Variants in ITGAE observed in about 807,000 individuals in gnomAD.
ITGAE encodes the protein integrin alpha-E.
Under a neutral mutation model 136.5 loss-of-function variants are expected in ITGAE, and 99 were observed. The ratio of observed to expected loss-of-function variants is 0.73; its 90% CI spans 0.62 to 0.86. The LOEUF (loss-of-function observed/expected upper bound fraction) is 0.86, where lower values mean the gene tolerates loss of function less well. Among genes scored for constraint, ITGAE ranks in the 40% least tolerant of loss-of-function variants. ITGAE has a pLI of 0.00. For missense variants in ITGAE, 1,447 were observed against 1,515.3 expected, an observed-to-expected ratio of 0.95 and a Z score of 0.75; for synonymous variants, 613 against 591.8, an observed-to-expected ratio of 1.04 and a Z score of -0.52.
Position 3,734,645 on chromosome 17 carries a change from G to A in ITGAE, c.2655+172C>T, listed in dbSNP as rs1489055462. On this transcript the variant is annotated intron_variant, in intron 21 of 30. Coordinates refer to ENST00000263087, the MANE Select transcript of ITGAE (RefSeq NM_002208.5). Reference sequence around the variant, plus strand: ...GCACTGCAGCAGAATATGGTGCCTCGGGAGGCATGGAGCCGGACTGGCGGG... The same window carrying A: ...GCACTGCAGCAGAATATGGTGCCTCAGGAGGCATGGAGCCGGACTGGCGGG... Among the ~76,000 whole-genome samples, 3 of 152,174 alleles carry A rather than the reference G, an allele frequency of 2.0e-5. No individual in the cohort carries two copies. The East Asian group carries it at 5.8e-4, about 29-fold the overall frequency.
intron 17 of ITGAE, among the ~76,000 whole-genome samples, chr17:3,747,051 G>T (rs1322185216): frequency 2.0e-5 from 3 of 152,198 alleles, no homozygotes; most frequent in South Asian, 4.1e-4. Flanking sequence ...AATCGTTCCA[G>T]GGGGGAGCTC....
intron 24 of ITGAE, among the ~76,000 whole-genome samples, chr17:3,728,920 CAACT>C (rs1567515917): frequency 6.6e-6 from 1 of 151,748 alleles, no homozygotes; most frequent in African/African-American, 2.4e-5. Context: ...CCTGTAGTCT[CAACT>C]ACTCGGGAGG....
intron 1 of ITGAE, among the ~76,000 whole-genome samples, chr17:3,787,929 T>C (rs982647936): frequency 3.3e-5 from 5 of 152,160 alleles, no homozygotes; most frequent in Non-Finnish European, 4.4e-5. Context: ...CCTCAGGTGA[T>C]CCACCCGTCT....
intron 1 of ITGAE, among the ~76,000 whole-genome samples, chr17:3,793,798 G>A: frequency 6.6e-6 from 1 of 151,448 alleles, no homozygotes; most frequent in East Asian, 2.0e-4. Flanking sequence ...CCACCACCTT[G>A]GCCTCCCAAA....
intron 26 of ITGAE, chr17:3,724,645 C>T: frequency 6.2e-7 from 1 of 1,614,212 alleles, no homozygotes; most frequent in Non-Finnish European, 8.5e-7. Flanking sequence ...GTCCACCAAA[C>T]CCGCGCCAGC....
intron 18 of ITGAE, among the ~76,000 whole-genome samples, chr17:3,744,820 A>G (rs1385171671): frequency 6.6e-6 from 1 of 152,194 alleles, no homozygotes; most frequent in Non-Finnish European, 1.5e-5. Context: ...GAGATTGCTT[A>G]GCATACCATT....
rs375632123 is a variant in ITGAE, at chr17:3,757,308, T to C, written c.1021-174A>G. On this transcript the variant is annotated intron_variant, in intron 9 of 30. Coordinates refer to ENST00000263087, the MANE Select transcript of ITGAE (RefSeq NM_002208.5). The stretch of plus-strand genomic sequence containing the variant: ...CCATACTCTGGGCAAAATTCCAGTT[T>C]TACCAAAGTACACCTGTTCTCCTGA... Among the ~76,000 whole-genome samples the C allele has an allele frequency of 2.2e-4, 33 of 152,226 alleles. No homozygotes were observed. In the South Asian group the frequency reaches 6.8e-3, roughly 32 times the overall value.
intron 1 of ITGAE, among the ~76,000 whole-genome samples, chr17:3,787,323 G>C (rs1250436643): frequency 1.3e-5 from 2 of 152,060 alleles, no homozygotes; most frequent in Non-Finnish European, 2.9e-5. Context: ...TGTTGGCCAG[G>C]CTGGTCTTGA....
At chr17:3,723,615 C>A in intron 27 of ITGAE, 73 bp downstream of exon 27, 1 of 1,426,390 alleles carries the variant, frequency 7.0e-7, no homozygotes, top group Non-Finnish European at 9.4e-7. Context: ...CCAGGAAAAA[C>A]AGTCTCCTGG....
intron 2 of ITGAE, among the ~76,000 whole-genome samples, chr17:3,774,249 A>G (rs1597356196): frequency 6.6e-6 from 1 of 152,164 alleles, no homozygotes; most frequent in Admixed American, 6.5e-5. Flanking sequence ...ACCACTGACC[A>G]GGAGCAAAGC....
intron 1 of ITGAE, among the ~76,000 whole-genome samples, chr17:3,780,481 A>G (rs374774565): frequency 6.6e-6 from 1 of 150,682 alleles, no homozygotes; most frequent in Admixed American, 6.6e-5. Context: ...TATTTTTAGT[A>G]GAGATGGGGT....
At chr17:3,793,933 G>GT (rs1053369070) in intron 1 of ITGAE, among the ~76,000 whole-genome samples, 102 of 149,038 alleles carry the variant, frequency 6.8e-4, no homozygotes, top group Non-Finnish European at 1.1e-3. Flanking sequence ...CCTGATTGAA[G>GT]TGCTCTGTCC....
intron 6 of ITGAE, 141 bp from the exon 7 acceptor site, chr17:3,760,428 AGC>A: frequency 5.3e-5 from 5 of 93,928 alleles, no homozygotes; most frequent in East Asian, 1.2e-4. Flanking sequence ...CCAAGAGGGA[AGC>A]TTTTTTTTTT....
chr17:3,749,533 T>C (rs2143018544), intron 16 of ITGAE, among the ~76,000 whole-genome samples: 1 of 152,258 alleles, frequency 6.6e-6, no homozygotes, highest in East Asian at 1.9e-4. Context: ...ATTACAGGTG[T>C]GAGCCACTGC....
intron 2 of ITGAE, among the ~76,000 whole-genome samples, chr17:3,776,171 C>A (rs2052535390): frequency 6.6e-6 from 1 of 151,370 alleles, no homozygotes; most frequent in South Asian, 2.1e-4. Flanking sequence ...AATTCTCCTG[C>A]CTCAGCCTCC....
intron 1 of ITGAE, among the ~76,000 whole-genome samples, chr17:3,791,095 C>T (rs1053667029): frequency 1.4e-5 from 2 of 144,886 alleles, no homozygotes; most frequent in Non-Finnish European, 3.0e-5. Flanking sequence ...GCAGAGCTTG[C>T]AGTGAGCAGA....
Position 3,761,454 on chromosome 17 carries a change from G to T in ITGAE, c.382C>A (p.Leu128Ile), listed in dbSNP as rs773156871. ...LSSELTGTCS[L>I]LGPDLRPQAQ... The stretch of plus-strand genomic sequence containing the variant: ...TGGGGACGGAGGTCAGGGCCCAGGA[G>T]GCTACAGGTGCCTGTGAGTTCTGAG... Residue 128 changes from leucine to isoleucine, a missense_variant, in exon 5 of 31, where the codon CTC (leucine) becomes ATC (isoleucine). By Grantham distance (5) the Leu-to-Ile change is conservative. Around this residue, in one of 3 missense-constraint regions of ITGAE, gnomAD observed 310 missense variants for 416.1 expected, o/e 0.74. Transcript: ENST00000263087. 2 of 1,614,094 alleles carry T rather than the reference G, an allele frequency of 1.2e-6. No homozygotes were observed. Among genetic ancestry groups the T allele is most frequent in the South Asian group, 2.2e-5 (2 of 91,070 alleles).
chr17:3,751,793 T>G lies in ITGAE; in HGVS notation c.1750A>C (p.Met584Leu). 1 of 1,614,060 alleles carries G rather than the reference T, an allele frequency of 6.2e-7. No homozygotes were observed. The highest frequency in any genetic ancestry group is 8.5e-7 in the Non-Finnish European group (1 of 1,179,978). Residue 584 changes from methionine (M) to leucine (L), a missense_variant, in exon 15 of 31, where the codon ATG (methionine) becomes CTG (leucine). Coordinates refer to ENST00000263087, the MANE Select transcript of ITGAE (RefSeq NM_002208.5). The part of the protein sequence containing the change: ...NARFGFAMAA[M>L]GDLSQDKLTD... ...AGCTTATCCTGACTGAGATCCCCCA[T>G]AGCCGCCATGGCAAAGCCAAAGCGG...
chr17:3,773,534 A>AGGCAAAGTGGGGGTGAGG (rs201398590), intron 2 of ITGAE, among the ~76,000 whole-genome samples: 4 of 148,890 alleles, frequency 2.7e-5, no homozygotes, highest in East Asian at 4.0e-4. Flanking sequence ...GAGATGCATA[A>AGGCAAAGTGGGGGTGAGG]GGCAAAGTGG....
Sources: allele counts gnomAD v4.1 joint callset (sites outside exome capture counted in the v4.1 genomes callset), GRCh38; gene constraint gnomAD v4.1.1; regional missense constraint gnomAD v4.1.1; transcripts MANE v1.5; gene names NCBI Gene and HGNC (gene_info 2026-07-23, HGNC 2026-07-21).